STPG2: variants seen among roughly 807,000 people sequenced by gnomAD.
STPG2 encodes sperm-tail PG-rich repeat-containing protein 2.
STPG2 carries 56 observed loss-of-function variants against 54.2 expected under a neutral mutation model. The observed-to-expected ratio is 1.03, with a 90% CI of 0.83 to 1.29. STPG2 has a LOEUF of 1.29. Ranked by LOEUF, STPG2 falls within the 50% of genes most tolerant of loss-of-function variation. STPG2 has a pLI of 0.00. For missense variants in STPG2, 596 were observed against 544.9 expected (o/e 1.09, Z -0.93); for synonymous variants, 200 against 181.8 (o/e 1.10, Z -0.81).
chr4:97,499,991 A>C (rs1445343797), intron 4 of STPG2, among the ~76,000 whole-genome samples: 3 of 152,034 alleles, frequency 2.0e-5, no homozygotes, highest in Non-Finnish European at 2.9e-5. Flanking sequence ...AAGTGAAGCC[A>C]TGGAGAGTTT....
At chr4:98,043,307 A>G (rs1053786053) in intron 5 of STPG2, among the ~76,000 whole-genome samples, 8 of 152,068 alleles carry the variant, frequency 5.3e-5, no homozygotes. Flanking sequence ...TTTTAATTGT[A>G]GAGCTTATTT....
At chr4:97,692,298 G>GA (rs70953082) in intron 10 of STPG2, among the ~76,000 whole-genome samples, 41,950 of 90,310 alleles carry the variant, frequency 0.46, 9,303 homozygotes, top group South Asian at 0.56. Flanking sequence ...TACAGGATAT[G>GA]AAAAAAAAAA....
chr4:97,549,338 C>T (rs543906550), intron 4 of STPG2, among the ~76,000 whole-genome samples: 14 of 152,296 alleles, frequency 9.2e-5, no homozygotes, highest in Admixed American at 8.5e-4. Flanking sequence ...TGTAAATTTT[C>T]TCTGACTTGC....
At position 97,847,255 on chromosome 4, in the gene STPG2, G is replaced by A. The variant is rs72881465; in HGVS notation, c.1045-6323C>T. 8.1e-4 allele frequency among the ~76,000 whole-genome samples: 123 copies of A among 152,130 alleles called. 1 individual carries two copies. The highest frequency in any genetic ancestry group is 3.0e-3 in the African/African-American group (123 of 41,530). On this transcript the variant is annotated intron_variant, in intron 8 of 10. Transcript: ENST00000295268. ...TAATCAAATTATCTTTGTTTTACAT[G>A]TTGCAAATTATAATTACTAAGGTCA...
At chr4:98,136,311 G>GT (rs1392182175) in intron 1 of STPG2, among the ~76,000 whole-genome samples, 1 of 151,540 alleles carries the variant, frequency 6.6e-6, no homozygotes, top group Non-Finnish European at 1.5e-5. Context: ...TAAAACCATT[G>GT]TAATTTGAAA....
At chr4:98,011,731 T>A (rs1735758487) in intron 5 of STPG2, among the ~76,000 whole-genome samples, 1 of 152,226 alleles carries the variant, frequency 6.6e-6, no homozygotes, top group Non-Finnish European at 1.5e-5. Flanking sequence ...GCTTTTTTCA[T>A]ATGTTTGTTG....
At chr4:97,579,011 C>G (rs113991181) in intron 10 of STPG2, among the ~76,000 whole-genome samples, 1 of 152,170 alleles carries the variant, frequency 6.6e-6, no homozygotes, top group African/African-American at 2.4e-5. Context: ...AAAAATAAAT[C>G]ACTCATCTGT....
In STPG2 at chr4:97,898,987, A is replaced by C. The variant is rs141869901; in HGVS notation, c.1044+44910T>G. Among the ~76,000 whole-genome samples, 637 of 151,794 alleles carry C rather than the reference A, an allele frequency of 4.2e-3. 3 individuals carry two copies. Among genetic ancestry groups the C allele is most frequent in the South Asian group, 0.024 (115 of 4,820 alleles). On this transcript the variant is annotated intron_variant, in intron 8 of 10. Coordinates refer to ENST00000295268, the MANE Select transcript of STPG2 (RefSeq NM_174952.3). The stretch of plus-strand genomic sequence containing the variant: ...CCTAGTCAGAGCAATCAGGCAAGAG[A>C]AAAAAATAAAGGGCATCCAAAAGGA...
intron 4 of STPG2, among the ~76,000 whole-genome samples, chr4:97,496,635 A>C (rs573442372): frequency 3.7e-4 from 56 of 151,746 alleles, no homozygotes; most frequent in African/African-American, 1.4e-3. Context: ...CATAACGTGT[A>C]CCCCCTATGT....
At chr4:97,966,203 T>C (rs1196339405) in intron 7 of STPG2, among the ~76,000 whole-genome samples, 1 of 152,114 alleles carries the variant, frequency 6.6e-6, no homozygotes, top group Non-Finnish European at 1.5e-5. Flanking sequence ...CTGACAGAGC[T>C]GAAAACCATG....
intron 8 of STPG2, among the ~76,000 whole-genome samples, chr4:97,888,844 T>C (rs912162233): frequency 3.3e-5 from 5 of 151,992 alleles, no homozygotes; most frequent in African/African-American, 4.8e-5. Flanking sequence ...TGGTAGGAGG[T>C]GACTGGATCA....
chr4:97,796,831 G>A (rs1002859203), intron 9 of STPG2, among the ~76,000 whole-genome samples: 20 of 152,180 alleles, frequency 1.3e-4, no homozygotes, highest in Non-Finnish European at 2.5e-4. Context: ...CCATGAGCCT[G>A]GAATGTTCTT....
intron 9 of STPG2, among the ~76,000 whole-genome samples, chr4:97,765,962 G>A (rs1258164631): frequency 6.6e-6 from 1 of 152,118 alleles, no homozygotes; most frequent in Non-Finnish European, 1.5e-5. Flanking sequence ...ATCTATGTGA[G>A]CTCAATATTA....
intron 10 of STPG2, among the ~76,000 whole-genome samples, chr4:97,681,276 G>A (rs1723025696): frequency 6.6e-6 from 1 of 151,780 alleles, no homozygotes; most frequent in Non-Finnish European, 1.5e-5. Context: ...TGACCTCAGA[G>A]GTGAAGAGGT....
chr4:97,459,854 C>G (rs1217544547), intron 4 of STPG2, among the ~76,000 whole-genome samples: 1 of 152,056 alleles, frequency 6.6e-6, no homozygotes, highest in Non-Finnish European at 1.5e-5. Context: ...TTCTAATCAC[C>G]GAGTTTATTT....
chr4:97,472,314 C>G (rs534563392), intron 4 of STPG2, among the ~76,000 whole-genome samples: 267 of 152,258 alleles, frequency 1.8e-3, no homozygotes, highest in African/African-American at 5.9e-3. Flanking sequence ...GATAAAAACT[C>G]CAGGGAGACG....
chr4:97,622,936 A>G (rs1734049657), intron 10 of STPG2, among the ~76,000 whole-genome samples: 1 of 152,174 alleles, frequency 6.6e-6, no homozygotes, highest in Admixed American at 6.5e-5. Context: ...GACAAATGGA[A>G]CAGATTAGAG....
chr4:97,488,347 C>G (rs1578337894), intron 4 of STPG2, among the ~76,000 whole-genome samples: 1 of 151,734 alleles, frequency 6.6e-6, no homozygotes, highest in East Asian at 1.9e-4. Flanking sequence ...CAAGAAAAGT[C>G]CTAAGAGTTA....
At chr4:97,820,624 T>A (rs193023874) in intron 9 of STPG2, among the ~76,000 whole-genome samples, 1 of 152,172 alleles carries the variant, frequency 6.6e-6, no homozygotes, top group African/African-American at 2.4e-5. Flanking sequence ...GACTGTGTAA[T>A]TTATAAAGAA....
Sources: gnomAD v4.1 joint callset for allele counts (sites outside exome capture counted in the v4.1 genomes callset) on GRCh38, gnomAD v4.1.1 for gene constraint, MANE v1.5 for transcripts, NCBI Gene and HGNC (gene_info 2026-07-23, HGNC 2026-07-21) for gene names.